SIPA1L3: variants seen among roughly 807,000 people sequenced by gnomAD.
The protein encoded by SIPA1L3 is signal induced proliferation associated 1 like 3.
In SIPA1L3, 59 loss-of-function variants were observed where a neutral mutation model predicts 150.1. The ratio of observed to expected loss-of-function variants is 0.39; its 90% CI spans 0.32 to 0.49. The LOEUF (loss-of-function observed/expected upper bound fraction) is 0.49. SIPA1L3 is among the 20% of genes least tolerant of loss of function. SIPA1L3 has a pLI of 0.86. For missense variants in SIPA1L3, 2,211 were observed against 2,489.5 expected (o/e 0.89, Z 2.38); for synonymous variants, 1,070 against 1,077.6 (o/e 0.99, Z 0.14).
chr19:38,108,990 CAAAAAAA>C (rs1048216439), intron 7 of SIPA1L3, among the ~76,000 whole-genome samples: 4 of 143,132 alleles, frequency 2.8e-5, no homozygotes, highest in East Asian at 4.0e-4. Flanking sequence ...ACTCAGTCTC[CAAAAAAA>C]AAAGAAAAAA....
At chr19:38,056,116 G>A (rs1479033747) in intron 2 of SIPA1L3, among the ~76,000 whole-genome samples, 2 of 152,180 alleles carry the variant, frequency 1.3e-5, no homozygotes, top group African/African-American at 2.4e-5. Flanking sequence ...CCAGGTACCC[G>A]GCTGAGGATT....
chr19:38,160,064 T>C (rs545512541), intron 13 of SIPA1L3, among the ~76,000 whole-genome samples: 1 of 152,102 alleles, frequency 6.6e-6, no homozygotes, highest in African/African-American at 2.4e-5. Context: ...CAGGATGGAG[T>C]GTAATGGCGC....
chr19:38,069,363 G>T (rs855598), intron 2 of SIPA1L3, among the ~76,000 whole-genome samples: 38,353 of 151,720 alleles, frequency 0.25, 6,379 homozygotes, highest in African/African-American at 0.48. Context: ...TTTGAGCAGC[G>T]TCCACTCCTG....
intron 2 of SIPA1L3, among the ~76,000 whole-genome samples, chr19:38,054,229 C>T (rs988333569): frequency 6.6e-6 from 1 of 152,056 alleles, no homozygotes; most frequent in Non-Finnish European, 1.5e-5. Context: ...CACAGGGAGG[C>T]CACTCCCATG....
intron 1 of SIPA1L3, among the ~76,000 whole-genome samples, chr19:37,950,100 AG>A (rs2046749801): frequency 6.7e-6 from 1 of 150,212 alleles, no homozygotes; most frequent in East Asian, 2.0e-4. Flanking sequence ...AAAAAAAAAA[AG>A]AGTGTGACCA....
intron 1 of SIPA1L3, among the ~76,000 whole-genome samples, chr19:37,996,290 A>G (rs1914844927): frequency 6.6e-6 from 1 of 152,210 alleles, no homozygotes; most frequent in Non-Finnish European, 1.5e-5. Flanking sequence ...TAGTGGTTCA[A>G]TCAGAGCTCA....
intron 2 of SIPA1L3, among the ~76,000 whole-genome samples, chr19:38,056,042 G>T (rs1359836739): frequency 6.6e-6 from 1 of 152,198 alleles, no homozygotes; most frequent in East Asian, 1.9e-4. Context: ...ACAGTGTGGG[G>T]GCTGAGAGTG....
At chr19:38,123,621 T>G (rs1254020852) in intron 9 of SIPA1L3, among the ~76,000 whole-genome samples, 1 of 151,512 alleles carries the variant, frequency 6.6e-6, no homozygotes, top group East Asian at 1.9e-4. Flanking sequence ...CCGAAGAATT[T>G]TTCTTAGTAC....
At chr19:38,000,932 A>ATAACACACATATAACAC (rs1967782909) in intron 1 of SIPA1L3, among the ~76,000 whole-genome samples, 1 of 129,772 alleles carries the variant, frequency 7.7e-6, no homozygotes, top group African/African-American at 3.1e-5. Flanking sequence ...ACATATATAT[A>ATAACACACATATAACAC]ACATATATAA....
Position 38,182,565 on chromosome 19 carries a change from G to A in SIPA1L3, c.4255G>A (p.Ala1419Thr). Residue 1419 changes from alanine (A) to threonine (T), a missense_variant, in exon 16 of 22, where the codon GCC becomes ACC. Ala to Thr is a moderately conservative substitution (Grantham distance 58, BLOSUM62 0). This residue lies in a region of SIPA1L3 where 806 missense variants were observed against 870.1 expected (regional missense o/e 0.93). Transcript: ENST00000222345. ...CTACCCCGCTCAGGTTTACAAAACTGCCAGTGCAGAGACTCCTCGGCCCTC... is the reference window on the plus strand; with the variant it reads ...CTACCCCGCTCAGGTTTACAAAACTACCAGTGCAGAGACTCCTCGGCCCTC... ...VGYPAQVYKTASAETPRPSQL... is the reference protein window; with the variant it reads ...VGYPAQVYKTTSAETPRPSQL... The A allele has an allele frequency of 9.3e-6, 15 of 1,613,930 alleles. No individual in the cohort carries two copies. Among genetic ancestry groups the A allele is most frequent in the South Asian group, 1.1e-5 (1 of 91,046 alleles).
intron 2 of SIPA1L3, among the ~76,000 whole-genome samples, chr19:38,080,614 GA>G (rs944466053): frequency 6.6e-5 from 10 of 151,574 alleles, no homozygotes; most frequent in African/African-American, 2.4e-4. Context: ...ATGTTACTGT[GA>G]TTTTTTTTTT....
intron 2 of SIPA1L3, among the ~76,000 whole-genome samples, chr19:38,068,683 C>A (rs1969650980): frequency 6.6e-6 from 1 of 151,198 alleles, no homozygotes; most frequent in African/African-American, 2.4e-5. Context: ...CTCATCTCTA[C>A]AAAAAAAAAT....
chr19:37,975,324 G>A (rs776578117), intron 1 of SIPA1L3, among the ~76,000 whole-genome samples: 9 of 152,170 alleles, frequency 5.9e-5, no homozygotes, highest in Non-Finnish European at 1.2e-4. Flanking sequence ...AGGAGGCACC[G>A]TGTAGGCCGA....
At chr19:38,041,249 G>A (rs1968914237) in intron 2 of SIPA1L3, among the ~76,000 whole-genome samples, 1 of 148,060 alleles carries the variant, frequency 6.8e-6, no homozygotes. Context: ...TGGGATTACA[G>A]GCACCCGCCA....
intron 6 of SIPA1L3, among the ~76,000 whole-genome samples, chr19:38,101,985 C>T (rs939590485): frequency 4.9e-4 from 75 of 152,158 alleles, no homozygotes; most frequent in African/African-American, 1.8e-3. Context: ...AGACAGCAAG[C>T]CTCAGAAGAG....
intron 9 of SIPA1L3, among the ~76,000 whole-genome samples, chr19:38,126,127 T>C (rs1971166088): frequency 6.6e-6 from 1 of 151,898 alleles, no homozygotes; most frequent in Non-Finnish European, 1.5e-5. Flanking sequence ...TGAGCCGAGA[T>C]TGCACCACTG....
chr19:38,065,913 A>G (rs1198791907), intron 2 of SIPA1L3, among the ~76,000 whole-genome samples: 2 of 121,228 alleles, frequency 1.6e-5, no homozygotes, highest in Non-Finnish European at 3.3e-5. Flanking sequence ...TTATTTATTT[A>G]TCTATTTATT....
chr19:37,990,420 C>T (rs902226012), intron 1 of SIPA1L3, among the ~76,000 whole-genome samples: 6 of 152,272 alleles, frequency 3.9e-5, no homozygotes, highest in African/African-American at 7.2e-5. Context: ...CAGGCGGGGT[C>T]GTGGGGTGAA....
intron 19 of SIPA1L3, 40 bp downstream of exon 19, chr19:38,198,572 G>A (rs781008452): frequency 3.5e-5 from 51 of 1,454,972 alleles, no homozygotes; most frequent in African/African-American, 5.8e-5. Context: ...CCCCCACCCC[G>A]TCCTCTGTTC....
Sources: allele counts gnomAD v4.1 joint callset (sites outside exome capture counted in the v4.1 genomes callset), GRCh38; gene constraint gnomAD v4.1.1; regional missense constraint gnomAD v4.1.1; transcripts MANE v1.5; gene names NCBI Gene and HGNC (gene_info 2026-07-23, HGNC 2026-07-21).